PRIM2: variants seen among roughly 807,000 people sequenced by gnomAD.
The protein encoded by PRIM2 is DNA primase large subunit.
Under a neutral mutation model 67.3 loss-of-function variants are expected in PRIM2, and 39 were observed. That is an observed-to-expected ratio of 0.58 (90% CI 0.45 to 0.76). The LOEUF is 0.76. Ranked by LOEUF, PRIM2 falls within the 30% of genes least tolerant of loss-of-function variation. The probability of loss-of-function intolerance (pLI) is 0.00; values close to 1 mark genes in which losing one functional copy is unlikely to be tolerated. For synonymous variants in PRIM2, 143 were observed against 198.7 expected (o/e 0.72, Z 2.36); for missense variants, 398 against 598.7 (o/e 0.66, Z 3.50).
chr6:57,598,296 CAT>C (rs1776404213), intron 10 of PRIM2, among the ~76,000 whole-genome samples: 2 of 152,168 alleles, frequency 1.3e-5, no homozygotes, highest in African/African-American at 2.4e-5. Flanking sequence ...TTTAAACAAA[CAT>C]ATTTTTTTCA....
At chr6:57,264,443 C>T in the PRIM2 span, among the ~76,000 whole-genome samples, 20 of 151,884 alleles carry the variant, frequency 1.3e-4, no homozygotes, top group Admixed American at 2.6e-4. Flanking sequence ...CTGGAGTGCT[C>T]GTCATCACTT....
intron 8 of PRIM2, among the ~76,000 whole-genome samples, chr6:57,527,669 C>CA: frequency 6.6e-6 from 1 of 152,308 alleles, no homozygotes; most frequent in East Asian, 1.9e-4. Context: ...GCATGGGATA[C>CA]AGTCTTCTCA....
intron 13 of PRIM2, among the ~76,000 whole-genome samples, chr6:57,640,941 C>CAAA (rs1307982833): frequency 2.7e-5 from 4 of 147,712 alleles, no homozygotes; most frequent in African/African-American, 1.0e-4. Context: ...AGCAAAAAAA[C>CAAA]AAAAAAAAAA....
At chr6:57,287,113 T>C in the PRIM2 span, among the ~76,000 whole-genome samples, 1 of 152,198 alleles carries the variant, frequency 6.6e-6, no homozygotes, top group Non-Finnish European at 1.5e-5. Flanking sequence ...AAACAACAGA[T>C]GCTGGTGAGG....
the PRIM2 span, among the ~76,000 whole-genome samples, chr6:57,246,956 G>C: frequency 0.036 from 5,423 of 151,798 alleles, 327 homozygotes; most frequent in African/African-American, 0.12. Flanking sequence ...CTGGGTTCAC[G>C]CTATTCTCCT....
At chr6:57,274,110 G>C in the PRIM2 span, among the ~76,000 whole-genome samples, 17 of 152,322 alleles carry the variant, frequency 1.1e-4, no homozygotes, top group Admixed American at 2.0e-4. Flanking sequence ...CCCGTTCTCA[G>C]ATCTCCAGCT....
intron 10 of PRIM2, among the ~76,000 whole-genome samples, chr6:57,600,369 T>A (rs1405378029): frequency 2.3e-5 from 3 of 129,538 alleles, no homozygotes; most frequent in Non-Finnish European, 5.0e-5. Flanking sequence ...TTATTATTAT[T>A]ATATTTTGAG....
At chr6:57,433,541 T>A (rs1207879269) in intron 7 of PRIM2, among the ~76,000 whole-genome samples, 1 of 152,164 alleles carries the variant, frequency 6.6e-6, no homozygotes, top group Non-Finnish European at 1.5e-5. Context: ...ACTTTCGGAA[T>A]CCTTAGGGGA....
At chr6:57,593,416 C>G (rs1367702102) in intron 10 of PRIM2, among the ~76,000 whole-genome samples, 1 of 151,954 alleles carries the variant, frequency 6.6e-6, no homozygotes, top group Non-Finnish European at 1.5e-5. Context: ...GACTCTCTTG[C>G]CTTAGCCTCC....
intron 10 of PRIM2, among the ~76,000 whole-genome samples, chr6:57,572,406 C>T (rs1775879559): frequency 6.6e-6 from 1 of 152,036 alleles, no homozygotes; most frequent in Admixed American, 6.6e-5. Flanking sequence ...GGTGACTTTC[C>T]TTTGCACGTT....
At chr6:57,487,421 G>C (rs1773779604) in intron 7 of PRIM2, among the ~76,000 whole-genome samples, 1 of 152,112 alleles carries the variant, frequency 6.6e-6, no homozygotes, top group African/African-American at 2.4e-5. Flanking sequence ...TAGAGATGGG[G>C]TTTTACCATG....
At chr6:57,333,203 AAT>A (rs1460569082) in intron 5 of PRIM2, among the ~76,000 whole-genome samples, 2 of 152,164 alleles carry the variant, frequency 1.3e-5, no homozygotes, top group African/African-American at 4.8e-5. Context: ...ATTATTTCTT[AAT>A]ATATCAACAG....
chr6:57,276,840 G>T, the PRIM2 span, among the ~76,000 whole-genome samples: 5 of 151,892 alleles, frequency 3.3e-5, no homozygotes, highest in Admixed American at 6.6e-5. Context: ...CATGAACCAG[G>T]GTTGCGCCAC....
chr6:57,410,682 A>G (rs1328339811), intron 7 of PRIM2, among the ~76,000 whole-genome samples: 2 of 151,930 alleles, frequency 1.3e-5, no homozygotes, highest in African/African-American at 4.8e-5. Context: ...TTGTCTGTGA[A>G]TATAGTTTTA....
At chr6:57,312,774 T>C (rs1427422188), upstream of PRIM2, among the ~76,000 whole-genome samples, 1 of 152,170 alleles carries the variant, frequency 6.6e-6, no homozygotes, top group African/African-American at 2.4e-5. Flanking sequence ...CTTTGGACCA[T>C]CAAGACCATA....
At chr6:57,634,406 A>G (rs1310325857) in intron 13 of PRIM2, among the ~76,000 whole-genome samples, 1 of 152,250 alleles carries the variant, frequency 6.6e-6, no homozygotes, top group African/African-American at 2.4e-5. Context: ...AGGAGTAAAC[A>G]TCAAGAAAAT....
the PRIM2 span, among the ~76,000 whole-genome samples, chr6:57,246,912 T>C: frequency 6.6e-6 from 1 of 151,554 alleles, no homozygotes; most frequent in Admixed American, 6.6e-5. Flanking sequence ...TAGAGTGCGG[T>C]GGCGCGATCT....
chr6:57,444,677 G>A (rs5023907), intron 7 of PRIM2, among the ~76,000 whole-genome samples: 1 of 152,088 alleles, frequency 6.6e-6, no homozygotes, highest in African/African-American at 2.4e-5. Context: ...ATACATGTTT[G>A]TTTTACAAGG....
At chr6:57,487,980 A>G in intron 7 of PRIM2, among the ~76,000 whole-genome samples, 1 of 152,356 alleles carries the variant, frequency 6.6e-6, no homozygotes, top group East Asian at 1.9e-4. Context: ...TATAGTTTAC[A>G]GTAGCTGTGT....
Sources: gnomAD v4.1 joint callset for allele counts (sites outside exome capture counted in the v4.1 genomes callset) on GRCh38, gnomAD v4.1.1 for gene constraint, MANE v1.5 for transcripts, NCBI Gene and HGNC (gene_info 2026-07-23, HGNC 2026-07-21) for gene names.